Variants in BEND6 observed in about 807,000 individuals in gnomAD.
BEND6 encodes BEN domain containing 6, also known as BEN domain-containing protein 6.
A neutral mutation model predicts 31.8 loss-of-function variants in BEND6; 24 were observed. The observed-to-expected ratio is 0.75, with a 90% CI of 0.55 to 1.06. The LOEUF (loss-of-function observed/expected upper bound fraction) is 1.06. BEND6 is among the 50% of genes least tolerant of loss of function. The pLI is 0.00. For missense variants in BEND6, 294 were observed against 327.4 expected (o/e 0.90, Z 0.79); for synonymous variants, 109 against 114.6 (o/e 0.95, Z 0.31).
At chr6:56,997,442 A>G (rs938841729) in intron 3 of BEND6, among the ~76,000 whole-genome samples, 2 of 152,214 alleles carry the variant, frequency 1.3e-5, no homozygotes, top group African/African-American at 4.8e-5. Flanking sequence ...CACACACACT[A>G]GAATTTAACC....
chr6:56,957,966 T>G (rs985857562), intron 1 of BEND6, among the ~76,000 whole-genome samples: 3 of 152,180 alleles, frequency 2.0e-5, no homozygotes, highest in African/African-American at 7.2e-5. Context: ...CAGCTTAGCC[T>G]CAAAGCCAAA....
Position 57,015,258 on chromosome 6 carries a change from G to C in BEND6, c.424G>C (p.Asp142His). ...LWRATNNSSP[D>H]SFASTCSNSN... is the part of the protein sequence containing the mutation. ...GAGAGCAACAAACAACTCCTCGCCA[G>C]ATTCATTTGCCTCAACATGCAGTAA... The change falls in exon 4 of 7, where the codon GAT becomes CAT. Residue 142 changes from aspartate to histidine, a missense_variant. Coordinates refer to ENST00000370746, the MANE Select transcript of BEND6 (RefSeq NM_152731.3). 6.2e-7 allele frequency: 1 copy of C among 1,614,164 alleles called. No individual in the cohort carries two copies. The highest frequency in any genetic ancestry group is 1.7e-5 in the Admixed American group (1 of 60,032).
intron 3 of BEND6, among the ~76,000 whole-genome samples, chr6:57,006,302 G>A (rs1052324578): frequency 6.6e-6 from 1 of 152,196 alleles, no homozygotes; most frequent in Non-Finnish European, 1.5e-5. Flanking sequence ...GTAGATGTGT[G>A]ACGTGCAGTT....
intron 1 of BEND6, among the ~76,000 whole-genome samples, chr6:56,959,242 G>T (rs542645960): frequency 8.5e-5 from 13 of 152,306 alleles, no homozygotes; most frequent in Admixed American, 8.5e-4. Context: ...AGTTAGGATG[G>T]CTCCATGCCC....
chr6:56,984,260 T>G (rs574625126), intron 2 of BEND6, among the ~76,000 whole-genome samples: 5 of 151,830 alleles, frequency 3.3e-5, no homozygotes, highest in African/African-American at 1.2e-4. Context: ...AAAAAAAAAC[T>G]GTGTGACAAT....
rs533005586 is a variant in BEND6, at chr6:57,003,743, G to A, written c.298+11188G>A. On this transcript the variant is annotated intron_variant, in intron 3 of 6. Coordinates refer to ENST00000370746, the MANE Select transcript of BEND6 (RefSeq NM_152731.3). ...ACACAATGAAAAAAGAAAACTACAGGCCAATATCCCTGATGAACATAGATG... is the reference window on the plus strand; with the variant it reads ...ACACAATGAAAAAAGAAAACTACAGACCAATATCCCTGATGAACATAGATG... Among the ~76,000 whole-genome samples the A allele has an allele frequency of 1.3e-4, 20 of 152,102 alleles. No homozygotes were observed. The South Asian group carries it at 2.9e-3, about 22-fold the overall frequency.
At chr6:57,004,624 C>A (rs1212150988) in intron 3 of BEND6, 1 of 1,088,536 alleles carries the variant, frequency 9.2e-7, no homozygotes, top group East Asian at 2.4e-5. Context: ...AGCTCTACCC[C>A]TCCTACGTGG....
chr6:56,996,772 A>C (rs888585191), intron 3 of BEND6, among the ~76,000 whole-genome samples: 7 of 152,118 alleles, frequency 4.6e-5, no homozygotes, highest in African/African-American at 1.7e-4. Flanking sequence ...TTGCCTTCAA[A>C]ATATTTCTGA....
At chr6:57,017,525 G>A (rs1827605647) in intron 5 of BEND6, 126 bp downstream of exon 5, 1 of 773,446 alleles carries the variant, frequency 1.3e-6, no homozygotes, top group South Asian at 6.8e-5. Flanking sequence ...AAAATCTTAG[G>A]ATAGTCTAAA....
chr6:57,004,619 T>C, intron 3 of BEND6: 1 of 1,067,494 alleles, frequency 9.4e-7, no homozygotes, highest in Non-Finnish European at 1.4e-6. Flanking sequence ...CCTGGAGCTC[T>C]ACCCCTCCTA....
intron 2 of BEND6, among the ~76,000 whole-genome samples, chr6:56,984,440 G>A (rs924478312): frequency 2.0e-5 from 3 of 152,132 alleles, no homozygotes; most frequent in Non-Finnish European, 2.9e-5. Context: ...CCCTACAACC[G>A]TTAGCATTAA....
intron 1 of BEND6, among the ~76,000 whole-genome samples, chr6:56,963,902 A>T (rs1825373282): frequency 1.4e-5 from 2 of 147,906 alleles, no homozygotes; most frequent in South Asian, 4.2e-4. Context: ...TTATAATTAC[A>T]ATATTAATAA....
chr6:56,970,207 T>C (rs1592973024), intron 1 of BEND6, among the ~76,000 whole-genome samples: 1 of 152,292 alleles, frequency 6.6e-6, no homozygotes, highest in Non-Finnish European at 1.5e-5. Flanking sequence ...TTTTTTTTCT[T>C]TTTTTGAGAC....
intron 6 of BEND6, among the ~76,000 whole-genome samples, chr6:57,022,428 T>C (rs1827780199): frequency 1.3e-5 from 2 of 152,268 alleles, no homozygotes; most frequent in East Asian, 1.9e-4. Context: ...TTTTTCATAA[T>C]ACTCTCTAAT....
At chr6:57,002,390 A>G (rs1485275537) in intron 3 of BEND6, among the ~76,000 whole-genome samples, 1 of 152,234 alleles carries the variant, frequency 6.6e-6, no homozygotes, top group Admixed American at 6.5e-5. Flanking sequence ...AGAATATTCC[A>G]CCCATCAACC....
chr6:57,004,839 T>C, intron 3 of BEND6: 2 of 694,392 alleles, frequency 2.9e-6, no homozygotes, highest in Non-Finnish European at 5.2e-6. Flanking sequence ...GAGACCAGCC[T>C]GGGCAACAAG....
rs542817136 is a variant in BEND6 at position 57,014,128 on chromosome 6, AAATGTTT to A, written c.299-1001_299-995del. On this transcript the variant is annotated intron_variant, in intron 3 of 6. Transcript: ENST00000370746. ...AGCACAGAGAAAAAATAAACTAGATAAATGTTTAATATTATTAAATGCTCAATAAGTA... is the reference window on the plus strand; with the variant it reads ...AGCACAGAGAAAAAATAAACTAGATAAATATTATTAAATGCTCAATAAGTA... 2.0e-4 allele frequency: 36 copies of A among 177,072 alleles called. No individual in the cohort carries two copies. In the East Asian group the frequency reaches 4.9e-3, roughly 24 times the overall value. The allele number at this position is 177,072 out of a possible 1,614,324, so 11.0% of individuals were successfully genotyped here.
chr6:57,019,874 C>T (rs1179388809), intron 6 of BEND6, among the ~76,000 whole-genome samples: 1 of 152,170 alleles, frequency 6.6e-6, no homozygotes, highest in Non-Finnish European at 1.5e-5. Flanking sequence ...CAGACAGATA[C>T]TTGAGCCCAG....
intron 1 of BEND6, among the ~76,000 whole-genome samples, chr6:56,969,605 G>A (rs563200451): frequency 1.3e-5 from 2 of 152,228 alleles, no homozygotes; most frequent in South Asian, 4.1e-4. Flanking sequence ...TTTTGTTGTA[G>A]TGCTGTACTT....
Sources: gnomAD v4.1 joint callset for allele counts (sites outside exome capture counted in the v4.1 genomes callset) on GRCh38, gnomAD v4.1.1 for gene constraint, MANE v1.5 for transcripts, NCBI Gene and HGNC (gene_info 2026-07-23, HGNC 2026-07-21) for gene names.